BNC2: variants seen among roughly 807,000 people sequenced by gnomAD.
BNC2 encodes zinc finger protein basonuclin-2.
BNC2 carries 20 observed loss-of-function variants against 76.3 expected under a neutral mutation model. The ratio of observed to expected loss-of-function variants is 0.26; its 90% confidence interval spans 0.18 to 0.38. BNC2 has a LOEUF of 0.38. Ranked by LOEUF, BNC2 falls within the 10% of genes least tolerant of loss-of-function variation. BNC2 has a pLI of 1.00. For missense variants in BNC2, 1,382 were observed against 1,399.8 expected, an observed-to-expected ratio of 0.99 and a Z score of 0.20; for synonymous variants, 582 against 514.8, an observed-to-expected ratio of 1.13 and a Z score of -1.77.
intron 1 of BNC2, among the ~76,000 whole-genome samples, chr9:16,755,511 A>G (rs7028403): frequency 0.85 from 129,442 of 152,132 alleles, 55,338 homozygotes; most frequent in East Asian, 0.91. Flanking sequence ...CTAACTATGC[A>G]ATTATATGAC....
At chr9:16,744,987 T>C (rs896746535) in intron 1 of BNC2, among the ~76,000 whole-genome samples, 6 of 152,232 alleles carry the variant, frequency 3.9e-5, no homozygotes, top group Admixed American at 3.3e-4. Flanking sequence ...GAAATCAATT[T>C]TGCCAAGTGC....
At chr9:16,506,172 G>A (rs1822618982) in intron 5 of BNC2, among the ~76,000 whole-genome samples, 1 of 152,132 alleles carries the variant, frequency 6.6e-6, no homozygotes, top group African/African-American at 2.4e-5. Context: ...ATGGTCAAGT[G>A]TAGGTTAAAA....
At chr9:16,478,264 A>C (rs1821970092) in intron 5 of BNC2, among the ~76,000 whole-genome samples, 1 of 152,102 alleles carries the variant, frequency 6.6e-6, no homozygotes, top group Non-Finnish European at 1.5e-5. Flanking sequence ...CAGGCCAAAC[A>C]CTGTCAATGG....
At chr9:16,627,118 C>A (rs1041467391) in intron 3 of BNC2, among the ~76,000 whole-genome samples, 23 of 152,116 alleles carry the variant, frequency 1.5e-4, no homozygotes, top group African/African-American at 5.3e-4. Flanking sequence ...CAGAGACAGA[C>A]CTGGTTCTAA....
chr9:16,498,976 G>A (rs774849439), intron 5 of BNC2, among the ~76,000 whole-genome samples: 15 of 152,096 alleles, frequency 9.9e-5, no homozygotes, highest in Non-Finnish European at 2.1e-4. Context: ...TAGACAGATT[G>A]AACATATTTA....
intron 1 of BNC2, among the ~76,000 whole-genome samples, chr9:16,843,619 C>T (rs1039754984): frequency 6.6e-6 from 1 of 152,232 alleles, no homozygotes; most frequent in African/African-American, 2.4e-5. Context: ...CAGGCGTGAG[C>T]CACCATGCCC....
At chr9:16,823,526 C>A (rs1818387581) in intron 1 of BNC2, among the ~76,000 whole-genome samples, 1 of 151,602 alleles carries the variant, frequency 6.6e-6, no homozygotes, top group African/African-American at 2.4e-5. Flanking sequence ...TCGCTTGAGC[C>A]TGGGAGGCAG....
chr9:16,577,422 C>T (rs1282999362), intron 4 of BNC2, among the ~76,000 whole-genome samples: 1 of 151,800 alleles, frequency 6.6e-6, no homozygotes, highest in Non-Finnish European at 1.5e-5. Flanking sequence ...TCTTACAGTA[C>T]ATTAAACCAT....
rs189830636 is a variant in BNC2 at position 16,778,182 on chromosome 9, A to T, written c.4-39697T>A. Reference sequence around the variant, plus strand: ...CTCATAATGAGGAAACTGTAAAGATACATACACACAAATACTACAATTACT... The same window carrying T: ...CTCATAATGAGGAAACTGTAAAGATTCATACACACAAATACTACAATTACT... On this transcript the variant is annotated intron_variant, in intron 1 of 6. Transcript: ENST00000380672. 1.4e-4 allele frequency among the ~76,000 whole-genome samples: 21 copies of T among 152,144 alleles called. 1 individual carries two copies. In the East Asian group the frequency reaches 2.9e-3, roughly 21 times the overall value.
intron 5 of BNC2, among the ~76,000 whole-genome samples, chr9:16,547,620 T>A (rs531433972): frequency 7.9e-5 from 12 of 152,308 alleles, no homozygotes; most frequent in African/African-American, 2.4e-4. Flanking sequence ...AAGACCTACA[T>A]TGGCTAAGAT....
intron 5 of BNC2, among the ~76,000 whole-genome samples, chr9:16,543,002 C>T (rs1266019187): frequency 6.6e-6 from 1 of 152,054 alleles, no homozygotes; most frequent in Admixed American, 6.6e-5. Flanking sequence ...GGATTTCATT[C>T]CTGTACAAGT....
intron 4 of BNC2, among the ~76,000 whole-genome samples, chr9:16,575,746 C>A (rs928848028): frequency 1.3e-5 from 2 of 152,158 alleles, no homozygotes; most frequent in Non-Finnish European, 2.9e-5. Context: ...AATGGCCTTG[C>A]TTTTGCTCTC....
At chr9:16,424,205 T>C (rs1022914470) in intron 6 of BNC2, among the ~76,000 whole-genome samples, 4 of 150,576 alleles carry the variant, frequency 2.7e-5, no homozygotes, top group Admixed American at 6.6e-5. Flanking sequence ...AAAAACACTA[T>C]CTAAAGAAAG....
At chr9:16,618,815 A>G (rs898897889) in intron 3 of BNC2, among the ~76,000 whole-genome samples, 1 of 152,160 alleles carries the variant, frequency 6.6e-6, no homozygotes, top group Non-Finnish European at 1.5e-5. Context: ...GTGGTTTCAT[A>G]AAGGTGGAGG....
At chr9:16,726,559 TA>T (rs35579154) in intron 3 of BNC2, among the ~76,000 whole-genome samples, 2,367 of 102,404 alleles carry the variant, frequency 0.023, 56 homozygotes, top group East Asian at 0.09. Flanking sequence ...AAAAGCTTTT[TA>T]AAAAAAAAAA....
intron 1 of BNC2, among the ~76,000 whole-genome samples, chr9:16,747,450 T>C (rs1825043372): frequency 6.6e-6 from 1 of 152,216 alleles, no homozygotes; most frequent in Non-Finnish European, 1.5e-5. Flanking sequence ...GAGCACCTGT[T>C]GTGTGCCAGG....
intron 3 of BNC2, among the ~76,000 whole-genome samples, chr9:16,678,555 C>T (rs979299854): frequency 1.4e-4 from 21 of 151,770 alleles, no homozygotes; most frequent in Admixed American, 9.8e-4. Context: ...TGAGCCACCG[C>T]GCCTGGCCAT....
chr9:16,505,684 TTATCAG>T (rs1178439638), intron 5 of BNC2, among the ~76,000 whole-genome samples: 1 of 152,170 alleles, frequency 6.6e-6, no homozygotes, highest in East Asian at 1.9e-4. Context: ...TTCTGAGTCC[TTATCAG>T]TAACAGTTAA....
intron 1 of BNC2, among the ~76,000 whole-genome samples, chr9:16,796,949 G>C (rs1430515129): frequency 6.6e-6 from 1 of 152,142 alleles, no homozygotes; most frequent in Non-Finnish European, 1.5e-5. Context: ...GTTAGCAAAA[G>C]TGGGGCTTCT....
Sources: gnomAD v4.1 joint callset for allele counts (sites outside exome capture counted in the v4.1 genomes callset) on GRCh38, gnomAD v4.1.1 for gene constraint, MANE v1.5 for transcripts, NCBI Gene and HGNC (gene_info 2026-07-23, HGNC 2026-07-21) for gene names.